The following ZNF395 variants were observed in gnomAD, a reference collection of about 807,000 sequenced individuals.
ZNF395 encodes HD gene regulatory region-binding protein 2.
In ZNF395, 20 loss-of-function variants were observed where a neutral mutation model predicts 57.7. That is an observed-to-expected ratio of 0.35 (90% confidence interval 0.24 to 0.50). The LOEUF is 0.50. ZNF395 is among the 20% of genes least tolerant of loss of function. ZNF395 has a pLI of 0.97. For synonymous variants in ZNF395, 295 were observed against 275.9 expected, an observed-to-expected ratio of 1.07 and a Z score of -0.69; for missense variants, 606 against 671.2, an observed-to-expected ratio of 0.90 and a Z score of 1.07.
chr8:28,380,494 A>G (rs1224904619), intron 1 of ZNF395, among the ~76,000 whole-genome samples: 1 of 152,198 alleles, frequency 6.6e-6, no homozygotes, highest in Admixed American at 6.5e-5. Flanking sequence ...GAACAGATCA[A>G]GGCCAAGAAT....
chr8:28,359,929 C>T lies in ZNF395; in HGVS notation c.241-105G>A. 1 of 1,478,242 alleles carries T rather than the reference C, an allele frequency of 6.8e-7. No homozygotes were observed. Among genetic ancestry groups the T allele is most frequent in the Middle Eastern group, 1.8e-4 (1 of 5,570 alleles). The allele number at this position is 1,478,242 out of a possible 1,614,324, so 91.6% of individuals were successfully genotyped here. A position where few individuals can be genotyped will look rare whatever the true frequency, so the allele number is the denominator to read the frequency against. Reference sequence around the variant, plus strand: ...GAGCCAGGATCTGCCTGCCACAAACCATGTTCTCTGCCTCACTCATCTTTT... The same window carrying T: ...GAGCCAGGATCTGCCTGCCACAAACTATGTTCTCTGCCTCACTCATCTTTT... On this transcript the variant is annotated intron_variant, in intron 2 of 9. Transcript: ENST00000344423. This position sits in a 1 kb window ranked among gnomAD's most constrained non-coding sequence, Gnocchi z 4.7.
In ZNF395 at chr8:28,385,403, C is replaced by CCCCG. The variant is rs1554520845; in HGVS notation, c.-59+989_-59+990insCGGG. On this transcript the variant is annotated intron_variant, in intron 1 of 9. Coordinates refer to ENST00000344423, the MANE Select transcript of ZNF395 (RefSeq NM_018660.3). ...AAGACAAACTCCCTGTGCAGCCCCG[C>CCCCG]CCCCCCCCCGGGCACCCGCGTGAGC... 49 of 42,236 alleles carry CCCCG rather than the reference C, an allele frequency of 1.2e-3. 4 individuals carry two copies. Among genetic ancestry groups the CCCCG allele is most frequent in the African/African-American group, 9.7e-3 (47 of 4,840 alleles). The allele number at this position is 42,236 out of a possible 1,614,324, so 2.6% of individuals were successfully genotyped here. A position where few individuals can be genotyped will look rare whatever the true frequency, so the allele number is the denominator to read the frequency against.
In ZNF395 at chr8:28,353,253, C is replaced by T. The variant is rs766650844; in HGVS notation, c.739G>A (p.Gly247Ser). ...ASPKYLGDAF[G>S]SPQTDHGFET... Reference sequence around the variant, plus strand: ...AAGCCATGATCAGTTTGGGGAGAACCAAAAGCATCCCCCAAATACTTGGGG... The same window carrying T: ...AAGCCATGATCAGTTTGGGGAGAACTAAAAGCATCCCCCAAATACTTGGGG... Residue 247 changes from glycine to serine, a missense_variant, in exon 5 of 10, where the codon GGT becomes AGT. This residue lies in a region of ZNF395 where 309 missense variants were observed against 374.7 expected (regional missense o/e 0.82). Coordinates refer to ENST00000344423, the MANE Select transcript of ZNF395 (RefSeq NM_018660.3). The T allele has an allele frequency of 4.4e-6, 7 of 1,594,562 alleles. No individual in the cohort carries two copies. Among genetic ancestry groups the T allele is most frequent in the Non-Finnish European group, 6.0e-6 (7 of 1,167,570 alleles).
chr8:28,371,338 A>C (rs1171885288), intron 1 of ZNF395, among the ~76,000 whole-genome samples: 2 of 152,146 alleles, frequency 1.3e-5, no homozygotes, highest in Non-Finnish European at 2.9e-5. Flanking sequence ...GTGCCACCAC[A>C]TCTGACTCAT....
chr8:28,353,411 G>A lies in ZNF395; in HGVS notation c.584-3C>T. On this transcript the variant is annotated splice_polypyrimidine_tract_variant and splice_region_variant and intron_variant, in intron 4 of 9. Transcript: ENST00000344423. ...TGGGTCGCAGGCCGCACGGGAAGCT[G>A]GCCAGATGAAGAAAAGATGAGAGGA... 1 of 1,513,832 alleles carries A rather than the reference G, an allele frequency of 6.6e-7. No homozygotes were observed. The highest frequency in any genetic ancestry group is 2.2e-5 in the Admixed American group (1 of 44,542). The allele number at this position is 1,513,832 out of a possible 1,614,324, so 93.8% of individuals were successfully genotyped here.
chr8:28,349,749 C>T (rs1801655952), intron 8 of ZNF395, among the ~76,000 whole-genome samples: 3 of 152,244 alleles, frequency 2.0e-5, no homozygotes, highest in Admixed American at 2.0e-4. Flanking sequence ...ATCCTAAAAA[C>T]ACCCACGGGC....
chr8:28,367,340 A>G (rs1054173220), intron 1 of ZNF395, among the ~76,000 whole-genome samples: 10 of 152,222 alleles, frequency 6.6e-5, no homozygotes, highest in Non-Finnish European at 1.0e-4. Flanking sequence ...GATGTAATAC[A>G]GTAATGGAAA....
chr8:28,359,640 T>TGGGCTCC lies in ZNF395; in HGVS notation c.418_424dup (p.Gln142ArgfsTer28), dbSNP rs1801824080. On this transcript the variant is annotated frameshift_variant, in exon 3 of 10. Transcript: ENST00000344423. LOFTEE classifies it high-confidence loss of function. This position sits in a 1 kb window ranked among gnomAD's most constrained non-coding sequence, Gnocchi z 4.7. ...GGAGACGGGCCTGTAGGCCAGGGCCTGGGCTCCGGGCTCCAGGGGTGGTGC... is the reference window on the plus strand; with the variant it reads ...GGAGACGGGCCTGTAGGCCAGGGCCTGGGCTCCGGGCTCCGGGCTCCAGGGGTGGTGC... The TGGGCTCC allele has an allele frequency of 6.2e-7, 1 of 1,612,652 alleles. No homozygotes were observed. Among genetic ancestry groups the TGGGCTCC allele is most frequent in the Non-Finnish European group, 8.5e-7 (1 of 1,179,040 alleles).
At position 28,382,939 on chromosome 8, in the gene ZNF395, CTTAGA is replaced by C. The variant is rs373534695; in HGVS notation, c.-59+3449_-59+3453del. Among the ~76,000 whole-genome samples the C allele has an allele frequency of 4.4e-3, 663 of 152,190 alleles. 6 individuals are homozygous for C. Among genetic ancestry groups the C allele is most frequent in the African/African-American group, 0.014 (601 of 41,490 alleles). On this transcript the variant is annotated intron_variant, in intron 1 of 9. Coordinates refer to ENST00000344423, the MANE Select transcript of ZNF395 (RefSeq NM_018660.3). ...CAAAGGGAGGTAGGTACTTTATGAA[CTTAGA>C]TTAGATTTTTATATACATGATTGTA...
chr8:28,348,890 C>T, intron 9 of ZNF395, 60 bp from the exon 10 acceptor site: 1 of 1,552,730 alleles, frequency 6.4e-7, no homozygotes. Context: ...AGGAGAGTGG[C>T]CAAGTGGGGC....
At chr8:28,364,907 AC>A (rs1801893143) in intron 1 of ZNF395, among the ~76,000 whole-genome samples, 1 of 152,146 alleles carries the variant, frequency 6.6e-6, no homozygotes, top group South Asian at 2.1e-4. Context: ...CTTTAATCTG[AC>A]CCTGTTAAGC....
rs754218501 is a variant in ZNF395 at position 28,348,737 on chromosome 8, G to A, written c.1524C>T (p.Cys508=). The part of the protein sequence containing the change: ...WCTACRWKKA[C]QRFLD ...GCACAGCTCAGTCCAGAAAGCGCTG[G>A]CAGGCCTTCTTCCACCGGCAGGCCG... is the stretch of plus-strand genomic sequence containing the variant. Residue 508 remains cysteine, a synonymous_variant, in exon 10 of 10, where the codon TGC becomes TGT. Coordinates refer to ENST00000344423, the MANE Select transcript of ZNF395 (RefSeq NM_018660.3). The A allele has an allele frequency of 6.2e-7, 1 of 1,614,030 alleles. No homozygotes were observed. The highest frequency in any genetic ancestry group is 8.5e-7 in the Non-Finnish European group (1 of 1,179,990).
rs1801815424 is a variant in ZNF395, at chr8:28,359,027, T to G, written c.473+565A>C. 1.3e-5 allele frequency among the ~76,000 whole-genome samples: 2 copies of G among 152,184 alleles called. No homozygotes were observed. Among genetic ancestry groups the G allele is most frequent in the Admixed American group, 1.3e-4 (2 of 15,282 alleles). On this transcript the variant is annotated intron_variant, in intron 3 of 9. Transcript: ENST00000344423. This position sits in a 1 kb window ranked among gnomAD's most constrained non-coding sequence, Gnocchi z 4.7. ...ATCATAAACTATGACCTGATTCAGT[T>G]TAAGCATGAGAGGGGAAAAAATAGC...
At chr8:28,371,739 G>A (rs570120348) in intron 1 of ZNF395, among the ~76,000 whole-genome samples, 1 of 152,184 alleles carries the variant, frequency 6.6e-6, no homozygotes, top group Non-Finnish European at 1.5e-5. Context: ...TGCACAAACA[G>A]TCAGGGCTGC....
At chr8:28,351,413 A>T (rs765326060) in intron 7 of ZNF395, 82 bp downstream of exon 7, 52 of 1,454,250 alleles carry the variant, frequency 3.6e-5, no homozygotes, top group Non-Finnish European at 4.5e-5. Flanking sequence ...GCCTTCCATC[A>T]GGGTGGTCGG....
chr8:28,350,978 A>C (rs183690114), intron 7 of ZNF395, among the ~76,000 whole-genome samples: 1 of 152,302 alleles, frequency 6.6e-6, no homozygotes, highest in Admixed American at 6.5e-5. Flanking sequence ...TAGTACTTTG[A>C]CTGGTTATTA....
intron 1 of ZNF395, among the ~76,000 whole-genome samples, chr8:28,376,605 A>C (rs1057358566): frequency 1.3e-5 from 2 of 152,102 alleles, no homozygotes; most frequent in Non-Finnish European, 2.9e-5. Context: ...TGGGCAACAG[A>C]GCAAGACTCT....
chr8:28,382,996 T>C (rs1049379719), intron 1 of ZNF395, among the ~76,000 whole-genome samples: 4 of 152,234 alleles, frequency 2.6e-5, no homozygotes, highest in African/African-American at 7.2e-5. Flanking sequence ...GTAAATTTCA[T>C]TTCTTAATGT....
rs1262652982 is a variant in ZNF395, at chr8:28,346,104, A to G, written c.*2615T>C. 3 of 152,166 alleles carry G rather than the reference A, an allele frequency of 2.0e-5. No individual in the cohort carries two copies. The highest frequency in any genetic ancestry group is 4.4e-5 in the Non-Finnish European group (3 of 68,028). The allele number at this position is 152,166 out of a possible 1,614,324, so 9.4% of individuals were successfully genotyped here. A position where few individuals can be genotyped will look rare whatever the true frequency, so the allele number is the denominator to read the frequency against. ...TCTAGCATCCTTAAGGCTGCTCAAC[A>G]CACAGCCCCAGACTCTGAATATGAT... On this transcript the variant is annotated 3_prime_UTR_variant, in exon 10 of 10. Transcript: ENST00000344423.
Sources: gnomAD v4.1 joint callset for allele counts (sites outside exome capture counted in the v4.1 genomes callset) on GRCh38, gnomAD v4.1.1 for gene constraint, gnomAD v4.1.1 regional missense constraint, Gnocchi (gnomAD v3.1) non-coding constraint, MANE v1.5 for transcripts, NCBI Gene and HGNC (gene_info 2026-07-23, HGNC 2026-07-21) for gene names.